NALF1: variants seen among roughly 807,000 people sequenced by gnomAD.
The protein encoded by NALF1 is NALCN channel auxiliary factor 1, also known as family with sequence similarity 155 member A.
A neutral mutation model predicts 48.4 loss-of-function variants in NALF1; 3 were observed. That is an observed-to-expected ratio of 0.06 (90% confidence interval 0.03 to 0.16). The LOEUF is 0.16. NALF1 is among the 10% of genes least tolerant of loss of function. The pLI, the probability that NALF1 is intolerant of heterozygous loss-of-function variation, is 1.00. For synonymous variants in NALF1, 262 were observed against 245.7 expected (o/e 1.07, Z -0.62); for missense variants, 526 against 571.5 (o/e 0.92, Z 0.81).
intron 1 of NALF1, among the ~76,000 whole-genome samples, chr13:107,507,180 A>G (rs896684342): frequency 4.6e-5 from 7 of 152,080 alleles, no homozygotes; most frequent in Non-Finnish European, 8.8e-5. Flanking sequence ...TCAGATCTGT[A>G]ATAGAATTTC....
At chr13:107,663,789 C>T (rs1230792727) in intron 1 of NALF1, among the ~76,000 whole-genome samples, 2 of 152,178 alleles carry the variant, frequency 1.3e-5, no homozygotes, top group Non-Finnish European at 2.9e-5. Context: ...TTGATCCCTT[C>T]TTATTTCATG....
chr13:107,488,072 ACT>A (rs1385093527), intron 1 of NALF1, among the ~76,000 whole-genome samples: 2 of 149,114 alleles, frequency 1.3e-5, no homozygotes, highest in Admixed American at 6.6e-5. Context: ...TGTTTATAAT[ACT>A]CTCTGATGGT....
chr13:107,665,035 T>A (rs1880822750), intron 1 of NALF1, among the ~76,000 whole-genome samples: 1 of 152,112 alleles, frequency 6.6e-6, no homozygotes, highest in Non-Finnish European at 1.5e-5. Flanking sequence ...AAACATATAA[T>A]GGTTACTATA....
At chr13:107,369,842 T>C (rs969769719) in intron 1 of NALF1, among the ~76,000 whole-genome samples, 1 of 152,208 alleles carries the variant, frequency 6.6e-6, no homozygotes, top group Non-Finnish European at 1.5e-5. Flanking sequence ...TCAGTGTCTT[T>C]CCAAAGATGG....
chr13:107,801,042 T>C (rs1243323294), intron 1 of NALF1, among the ~76,000 whole-genome samples: 1 of 152,192 alleles, frequency 6.6e-6, no homozygotes, highest in Non-Finnish European at 1.5e-5. Context: ...CTACACAATC[T>C]GTCAGTTAAA....
intron 1 of NALF1, among the ~76,000 whole-genome samples, chr13:107,758,645 C>T (rs753025869): frequency 6.6e-6 from 1 of 151,892 alleles, no homozygotes; most frequent in Non-Finnish European, 1.5e-5. Context: ...GGCGTGAACC[C>T]GGGAGATGGA....
At chr13:107,229,717 T>A (rs766226535) in intron 1 of NALF1, among the ~76,000 whole-genome samples, 23 of 152,146 alleles carry the variant, frequency 1.5e-4, no homozygotes, top group Non-Finnish European at 2.8e-4. Flanking sequence ...GGAGCAGAGA[T>A]CATTAAGAAC....
chr13:107,772,316 G>A (rs985767279), intron 1 of NALF1, among the ~76,000 whole-genome samples: 7 of 152,058 alleles, frequency 4.6e-5, no homozygotes, highest in Admixed American at 3.3e-4. Context: ...TTCTCTTGGG[G>A]TCTGGATAGG....
intron 1 of NALF1, among the ~76,000 whole-genome samples, chr13:107,268,006 G>C: frequency 1.3e-5 from 1 of 78,730 alleles, no homozygotes; most frequent in East Asian, 4.4e-4. Context: ...TTTTTTTTTT[G>C]AGATGGAGTC....
Position 107,608,858 on chromosome 13 carries a change from A to G in NALF1, c.915+256824T>C, listed in dbSNP as rs559861739. Among the ~76,000 whole-genome samples, 44 of 152,328 alleles carry G rather than the reference A, an allele frequency of 2.9e-4. No homozygotes were observed. The East Asian group carries it at 7.0e-3, about 24-fold the overall frequency. On this transcript the variant is annotated intron_variant, in intron 1 of 2. Transcript: ENST00000375915. Reference sequence around the variant, plus strand: ...ATGGAGAGTGACTCTGCTGGAAGGAAGGCAGGTGAGGTTAAGCTAACGATG... The same window carrying G: ...ATGGAGAGTGACTCTGCTGGAAGGAGGGCAGGTGAGGTTAAGCTAACGATG...
intron 1 of NALF1, among the ~76,000 whole-genome samples, chr13:107,299,487 T>TAAAA (rs1245205635): frequency 7.0e-6 from 1 of 141,978 alleles, no homozygotes; most frequent in South Asian, 2.2e-4. Context: ...AATAAATAAA[T>TAAAA]AAAAAAGAAG....
intron 1 of NALF1, among the ~76,000 whole-genome samples, chr13:107,601,648 G>A (rs1288801776): frequency 2.0e-5 from 3 of 152,086 alleles, no homozygotes; most frequent in African/African-American, 7.2e-5. Flanking sequence ...ACTTTTCAAA[G>A]AACTAAGGCA....
At chr13:107,820,885 T>TG (rs1487922526) in intron 1 of NALF1, among the ~76,000 whole-genome samples, 3 of 152,150 alleles carry the variant, frequency 2.0e-5, no homozygotes, top group African/African-American at 7.2e-5. Flanking sequence ...TGCCATGTAT[T>TG]TATTCCAGGT....
intron 1 of NALF1, among the ~76,000 whole-genome samples, chr13:107,212,121 C>A (rs1879775017): frequency 6.6e-6 from 1 of 152,114 alleles, no homozygotes; most frequent in African/African-American, 2.4e-5. Context: ...CTTCCATGCC[C>A]CGGGTCAATA....
chr13:107,642,870 C>T (rs189727264), intron 1 of NALF1, among the ~76,000 whole-genome samples: 6 of 152,298 alleles, frequency 3.9e-5, no homozygotes, highest in African/African-American at 1.4e-4. Context: ...AAAGAGCTGG[C>T]TATTGTGTTC....
At chr13:107,842,869 T>C (rs528798896) in intron 1 of NALF1, among the ~76,000 whole-genome samples, 8 of 152,024 alleles carry the variant, frequency 5.3e-5, no homozygotes, top group Non-Finnish European at 1.2e-4. Context: ...CATCTGCCGG[T>C]GTGATATTTC....
intron 1 of NALF1, among the ~76,000 whole-genome samples, chr13:107,689,567 T>C (rs1056568256): frequency 1.3e-5 from 2 of 152,080 alleles, no homozygotes; most frequent in East Asian, 3.9e-4. Context: ...AAATTTGAAC[T>C]CTAAAAATAA....
intron 1 of NALF1, among the ~76,000 whole-genome samples, chr13:107,766,169 C>G (rs1877414170): frequency 6.6e-6 from 1 of 152,126 alleles, no homozygotes; most frequent in Non-Finnish European, 1.5e-5. Flanking sequence ...CTTGCTACAG[C>G]CCCATTAGCC....
intron 1 of NALF1, among the ~76,000 whole-genome samples, chr13:107,843,880 T>C (rs1880104777): frequency 6.6e-6 from 1 of 152,114 alleles, no homozygotes; most frequent in African/African-American, 2.4e-5. Context: ...TAGCTAATGA[T>C]AAAAAATTAT....
Sources: gnomAD v4.1 joint callset for allele counts (sites outside exome capture counted in the v4.1 genomes callset) on GRCh38, gnomAD v4.1.1 for gene constraint, MANE v1.5 for transcripts, NCBI Gene and HGNC (gene_info 2026-07-23, HGNC 2026-07-21) for gene names.